Variants in MYPOP observed in about 807,000 individuals in gnomAD.
MYPOP encodes the protein Myb related transcription factor, partner of profilin.
MYPOP carries 21 observed loss-of-function variants against 25.7 expected under a neutral mutation model. The observed-to-expected ratio is 0.82, with a 90% CI of 0.58 to 1.18. The LOEUF (loss-of-function observed/expected upper bound fraction) is 1.18, where lower values mean the gene tolerates loss of function less well. Ranked by LOEUF, MYPOP falls within the 50% of genes most tolerant of loss-of-function variation. The pLI, the probability that MYPOP is intolerant of heterozygous loss-of-function variation, is 0.00. For synonymous variants in MYPOP, 280 were observed against 247.9 expected (o/e 1.13, Z -1.22); for missense variants, 566 against 588.3 (o/e 0.96, Z 0.39).
chr19:45,894,393 G>A (rs968951408), intron 2 of MYPOP, among the ~76,000 whole-genome samples: 7 of 151,608 alleles, frequency 4.6e-5, no homozygotes, highest in African/African-American at 7.3e-5. Context: ...GATTATAGGC[G>A]TGAGCCACCG....
Position 45,901,709 on chromosome 19 carries a change from A to C in MYPOP, c.65T>G (p.Phe22Cys). ...TTRLRKPRFSFEENQILIREV... is the reference protein window; with the variant it reads ...TTRLRKPRFSCEENQILIREV... ...GCGGATCAGGATCTGGTTCTCTTCG[A>C]ATGAGAAGCGCGGCTTGCGCAACCG... The change falls in exon 2 of 3, where the codon TTC (phenylalanine) becomes TGC (cysteine). Residue 22 changes from phenylalanine (F) to cysteine (C), a missense_variant. Phe to Cys is a radical substitution (Grantham distance 205). Coordinates refer to ENST00000322217, the MANE Select transcript of MYPOP (RefSeq NM_001012643.4). The surrounding 1 kb of genome is among the most constrained non-coding windows in gnomAD (Gnocchi z 5.7). The C allele has an allele frequency of 3.8e-6, 6 of 1,586,146 alleles. No homozygotes were observed. The highest frequency in any genetic ancestry group is 4.3e-6 in the Non-Finnish European group (5 of 1,169,098).
At chr19:45,902,197 A>G (rs1815317755) in intron 1 of MYPOP, among the ~76,000 whole-genome samples, 1 of 116,262 alleles carries the variant, frequency 8.6e-6, no homozygotes, top group Non-Finnish European at 1.7e-5. Context: ...GGGGTCTTAG[A>G]TGCATGAAGA....
intron 2 of MYPOP, among the ~76,000 whole-genome samples, chr19:45,896,872 G>A (rs1031066173): frequency 1.3e-5 from 2 of 151,854 alleles, no homozygotes; most frequent in Admixed American, 6.6e-5. Flanking sequence ...TGATCCACCC[G>A]CCTCGGCCTC....
At position 45,901,800 on chromosome 19, in the gene MYPOP, C is replaced by G; in HGVS notation, c.-27G>C. Reference sequence around the variant, plus strand: ...GCGCCCCCCGACGCCGCCGTCCTGCCGTCTGGCGCATGGGGGGCGCCGGCG... The same window carrying G: ...GCGCCCCCCGACGCCGCCGTCCTGCGGTCTGGCGCATGGGGGGCGCCGGCG... On this transcript the variant is annotated 5_prime_UTR_variant, in exon 2 of 3. Coordinates refer to ENST00000322217, the MANE Select transcript of MYPOP (RefSeq NM_001012643.4). The surrounding 1 kb of genome is among the most constrained non-coding windows in gnomAD (Gnocchi z 5.7). 7.3e-7 allele frequency: 1 copy of G among 1,376,516 alleles called. No individual in the cohort carries two copies. The highest frequency in any genetic ancestry group is 9.3e-7 in the Non-Finnish European group (1 of 1,071,242). The allele number at this position is 1,376,516 out of a possible 1,614,324, so 85.3% of individuals were successfully genotyped here. A position where few individuals can be genotyped will look rare whatever the true frequency, so the allele number is the denominator to read the frequency against.
intron 2 of MYPOP, among the ~76,000 whole-genome samples, chr19:45,894,322 C>T (rs1393938156): frequency 2.0e-5 from 3 of 151,994 alleles, no homozygotes; most frequent in Admixed American, 6.6e-5. Context: ...ACCATGTTAG[C>T]CAGGATGGTC....
In MYPOP at chr19:45,891,288, G is replaced by C. The variant is rs375590222; in HGVS notation, c.535C>G (p.Pro179Ala). 1.3e-6 allele frequency: 2 copies of C among 1,543,604 alleles called. No individual in the cohort carries two copies. The highest frequency in any genetic ancestry group is 2.7e-5 in the African/African-American group (2 of 73,814). The change falls in exon 3 of 3, where the codon CCG becomes GCG. Residue 179 changes from proline (P) to alanine (A), a missense_variant. Coordinates refer to ENST00000322217, the MANE Select transcript of MYPOP (RefSeq NM_001012643.4). ...SAHSKAGSSSPEPWARPSCTP... is the reference protein window; with the variant it reads ...SAHSKAGSSSAEPWARPSCTP... ...CAGGAGGGCCGGGCCCATGGCTCCG[G>C]GCTGCTGGAGCCCGCCTTGCTGTGG...
intron 2 of MYPOP, among the ~76,000 whole-genome samples, chr19:45,898,398 C>A (rs548105297): frequency 1.3e-5 from 2 of 152,114 alleles, no homozygotes; most frequent in South Asian, 4.1e-4. Flanking sequence ...TCATGGCTCA[C>A]TGCAACCTCT....
intron 2 of MYPOP, among the ~76,000 whole-genome samples, chr19:45,895,164 C>T (rs375700477): frequency 3.9e-5 from 6 of 152,222 alleles, no homozygotes; most frequent in African/African-American, 1.4e-4. Flanking sequence ...GCCTTCCTGA[C>T]CTCAGCTCCC....
Position 45,901,297 on chromosome 19 carries a change from G to A in MYPOP, c.477C>T (p.Asp159=), listed in dbSNP as rs1172565331. The A allele has an allele frequency of 6.9e-7, 1 of 1,453,598 alleles. No individual in the cohort carries two copies. The highest frequency in any genetic ancestry group is 9.1e-7 in the Non-Finnish European group (1 of 1,104,344). 90.0% of individuals were successfully genotyped at this position (1,453,598 alleles called of 1,614,324 possible). ...ACPQRYVLSE[D]RREDRRADTS... is the part of the protein sequence containing the mutation. ...CACCTGCACGTCGGTCCTCCCGGCG[G>A]TCTTCCGACAACACGTAGCGCTGAG... Residue 159 remains aspartate (D), a synonymous_variant, in exon 2 of 3, where the codon GAC becomes GAT. Coordinates refer to ENST00000322217, the MANE Select transcript of MYPOP (RefSeq NM_001012643.4). The surrounding 1 kb of genome is among the most constrained non-coding windows in gnomAD (Gnocchi z 5.7).
Position 45,890,809 on chromosome 19 carries a change from C to CACGG in MYPOP, c.1010_1013dup (p.Ser339ArgfsTer112). The CACGG allele has an allele frequency of 6.9e-7, 1 of 1,450,776 alleles. No homozygotes were observed. Among genetic ancestry groups the CACGG allele is most frequent in the Non-Finnish European group, 9.1e-7 (1 of 1,094,738 alleles). 89.9% of individuals were successfully genotyped at this position (1,450,776 alleles called of 1,614,324 possible). ...CGTCCACCACAGCAGCCACCACGGA[C>CACGG]ACGGGCTCTGGGGTGATCTCCACCT... On this transcript the variant is annotated frameshift_variant, in exon 3 of 3. Coordinates refer to ENST00000322217, the MANE Select transcript of MYPOP (RefSeq NM_001012643.4). LOFTEE classifies it high-confidence loss of function.
At chr19:45,893,016 G>A (rs1477623020) in intron 2 of MYPOP, among the ~76,000 whole-genome samples, 9 of 152,244 alleles carry the variant, frequency 5.9e-5, no homozygotes, top group Admixed American at 4.6e-4. Context: ...GCTCATGCCT[G>A]TAATCCCAGC....
At chr19:45,902,186 G>A (rs1600574386) in intron 1 of MYPOP, among the ~76,000 whole-genome samples, 1 of 133,642 alleles carries the variant, frequency 7.5e-6, no homozygotes, top group Non-Finnish European at 1.6e-5. Context: ...GGTGCCTCGG[G>A]GGGGTCTTAG....
At position 45,901,268 on chromosome 19, in the gene MYPOP, C is replaced by T. The variant is rs1199656192; in HGVS notation, c.499+7G>A. On this transcript the variant is annotated splice_region_variant and intron_variant, in intron 2 of 2. Transcript: ENST00000322217. This position sits in a 1 kb window ranked among gnomAD's most constrained non-coding sequence, Gnocchi z 5.7. ...GCAGGCACACAGCCTACTCTGAAGA[C>T]ACTCACCTGCACGTCGGTCCTCCCG... 2.1e-6 allele frequency: 3 copies of T among 1,443,200 alleles called. No individual in the cohort carries two copies. Among genetic ancestry groups the T allele is most frequent in the South Asian group, 3.0e-5 (2 of 66,604 alleles). The allele number at this position is 1,443,200 out of a possible 1,614,324, so 89.4% of individuals were successfully genotyped here. A position where few individuals can be genotyped will look rare whatever the true frequency, so the allele number is the denominator to read the frequency against.
At chr19:45,893,946 C>T (rs1434570138) in intron 2 of MYPOP, among the ~76,000 whole-genome samples, 35 of 149,504 alleles carry the variant, frequency 2.3e-4, no homozygotes, top group South Asian at 4.2e-4. Context: ...CCCGCCACCA[C>T]GCCCGGCTAA....
intron 2 of MYPOP, among the ~76,000 whole-genome samples, chr19:45,891,880 A>C (rs988409987): frequency 2.0e-5 from 3 of 152,192 alleles, no homozygotes; most frequent in Non-Finnish European, 1.5e-5. Context: ...TAGGCCAGGC[A>C]GCTCCCATCT....
Position 45,901,936 on chromosome 19 carries a change from C to CG in MYPOP, c.-52-112dup. On this transcript the variant is annotated intron_variant, in intron 1 of 2. Coordinates refer to ENST00000322217, the MANE Select transcript of MYPOP (RefSeq NM_001012643.4). This position sits in a 1 kb window ranked among gnomAD's most constrained non-coding sequence, Gnocchi z 5.7. ...TAGTCCCCGGGGGCAGGAGTGGGGG[C>CG]GGGGGGCGGGCGGGGGCGACGGGCA... The CG allele has an allele frequency of 1.3e-5, 5 of 382,700 alleles. No homozygotes were observed. Among genetic ancestry groups the CG allele is most frequent in the Non-Finnish European group, 2.0e-5 (5 of 245,620 alleles). 23.7% of individuals were successfully genotyped at this position (382,700 alleles called of 1,614,324 possible). A position where few individuals can be genotyped will look rare whatever the true frequency, so the allele number is the denominator to read the frequency against.
rs751105599 is a variant in MYPOP, at chr19:45,891,349, G to C, written c.500-26C>G. The C allele has an allele frequency of 1.3e-5, 19 of 1,450,822 alleles. No individual in the cohort carries two copies. In the African/African-American group the frequency reaches 2.7e-4, roughly 21 times the overall value. 89.9% of individuals were successfully genotyped at this position (1,450,822 alleles called of 1,614,324 possible). The stretch of plus-strand genomic sequence containing the variant: ...CTGTAGAGAGAGAAATACAGGTAAG[G>C]GGTGAGCGACCCTCGATGCTGCCTT... On this transcript the variant is annotated intron_variant, in intron 2 of 2. Transcript: ENST00000322217.
intron 2 of MYPOP, among the ~76,000 whole-genome samples, chr19:45,899,998 T>C (rs1967264049): frequency 1.3e-5 from 2 of 152,214 alleles, no homozygotes. Context: ...TGCCATGGAC[T>C]GGGGGTTGGA....
At position 45,901,327 on chromosome 19, in the gene MYPOP, G is replaced by T. The variant is rs1266234184; in HGVS notation, c.447C>A (p.Ala149=). ...APSSQPPPPS[A]CPQRYVLSED... ...CCGACAACACGTAGCGCTGAGGGCA[G>T]GCGCTTGGGGGCGGCGGCTGTGAAG... The change falls in exon 2 of 3, where the codon GCC becomes GCA. Residue 149 remains alanine (A), a synonymous_variant. Coordinates refer to ENST00000322217, the MANE Select transcript of MYPOP (RefSeq NM_001012643.4). This position sits in a 1 kb window ranked among gnomAD's most constrained non-coding sequence, Gnocchi z 5.7. 1.6e-5 allele frequency: 24 copies of T among 1,458,684 alleles called. No individual in the cohort carries two copies. The highest frequency in any genetic ancestry group is 1.9e-5 in the Non-Finnish European group (21 of 1,106,556). 90.4% of individuals were successfully genotyped at this position (1,458,684 alleles called of 1,614,324 possible). A position where few individuals can be genotyped will look rare whatever the true frequency, so the allele number is the denominator to read the frequency against.
Sources: allele counts gnomAD v4.1 joint callset (sites outside exome capture counted in the v4.1 genomes callset), GRCh38; gene constraint gnomAD v4.1.1; non-coding constraint Gnocchi (gnomAD v3.1); transcripts MANE v1.5; gene names NCBI Gene and HGNC (gene_info 2026-07-23, HGNC 2026-07-21).